Variants in C1orf167 observed in about 807,000 individuals in gnomAD.
C1orf167 encodes chromosome 1 open reading frame 167, also known as uncharacterized protein C1orf167.
A neutral mutation model predicts 176.5 loss-of-function variants in C1orf167; 153 were observed. That is an observed-to-expected ratio of 0.87 (90% CI 0.76 to 0.99). The LOEUF is 0.99. Among genes scored for constraint, C1orf167 ranks in the 50% least tolerant of loss-of-function variants. The pLI is 0.00. For synonymous variants in C1orf167, 594 were observed against 752.7 expected (o/e 0.79, Z 3.45); for missense variants, 1,490 against 1,817.7 (o/e 0.82, Z 3.28).
intron 16 of C1orf167, chr1:11,786,890 T>G (rs1346614625): frequency 6.6e-6 from 1 of 152,240 alleles, no homozygotes; most frequent in Non-Finnish European, 1.5e-5. Flanking sequence ...CTTTTCAGAG[T>G]ACTTTTACAT....
chr1:11,788,944 C>T (rs1315442845), intron 20 of C1orf167, 198 bp downstream of exon 20: 1 of 408,566 alleles, frequency 2.4e-6, no homozygotes. Flanking sequence ...TTTGTGGCCC[C>T]AGCTCAGGCC....
rs1370874573 is a variant in C1orf167 at position 11,762,324 on chromosome 1, G to A, written c.-71+19G>A. 1 of 372,318 alleles carries A rather than the reference G, an allele frequency of 2.7e-6. No homozygotes were observed. Among genetic ancestry groups the A allele is most frequent in the Admixed American group, 3.3e-5 (1 of 29,974 alleles). The allele number at this position is 372,318 out of a possible 1,614,324, so 23.1% of individuals were successfully genotyped here. A position where few individuals can be genotyped will look rare whatever the true frequency, so the allele number is the denominator to read the frequency against. On this transcript the variant is annotated intron_variant, in intron 1 of 20. Transcript: ENST00000688073. ...CACGCACGTGAGGGCAGATCCATGA[G>A]GGCAGGAAACTGACCTCAGACTCTT...
At chr1:11,765,304 A>T (rs2100231465) in intron 2 of C1orf167, among the ~76,000 whole-genome samples, 1 of 152,022 alleles carries the variant, frequency 6.6e-6, no homozygotes, top group African/African-American at 2.4e-5. Flanking sequence ...CATCCCCACA[A>T]GGACTCTGTG....
chr1:11,767,890 G>A (rs1415732174), intron 4 of C1orf167, among the ~76,000 whole-genome samples, 187 bp from the exon 5 acceptor site: 2 of 152,156 alleles, frequency 1.3e-5, no homozygotes, highest in African/African-American at 2.4e-5. Flanking sequence ...TTGCTTGTGT[G>A]GGGTTTCCAA....
intron 10 of C1orf167, chr1:11,777,281 AGG>A (rs1557734220): frequency 6.5e-6 from 1 of 152,782 alleles, no homozygotes; most frequent in African/African-American, 2.4e-5. Context: ...AGGTGAGGGG[AGG>A]GTGGCGATCA....
intron 1 of C1orf167, among the ~76,000 whole-genome samples, 177 bp from the exon 2 acceptor site, chr1:11,764,154 G>C (rs1043882605): frequency 1.3e-5 from 2 of 152,154 alleles, no homozygotes; most frequent in East Asian, 3.9e-4. Context: ...ATATGGAAAG[G>C]GGGGTGATAA....
chr1:11,788,935 T>C (rs1643992179), intron 20 of C1orf167, 189 bp downstream of exon 20: 3 of 427,816 alleles, frequency 7.0e-6, no homozygotes, highest in Non-Finnish European at 1.2e-5. Flanking sequence ...TTGCTTTGAT[T>C]TGTGGCCCCA....
Position 11,784,226 on chromosome 1 carries a change from C to T in C1orf167, c.3058C>T (p.Gln1020Ter), listed in dbSNP as rs1215723845. The change falls in exon 15 of 21, where the codon CAG becomes TAG. Residue 1020 changes from glutamine to a stop codon, truncating the protein, a stop_gained. Transcript: ENST00000688073. LOFTEE classifies it high-confidence loss of function. ...AAGAGACACGGGGGTGCTCCGGGCCCAGCATCAAGCCTTTCAGGATGGCCT... is the reference window on the plus strand; with the variant it reads ...AAGAGACACGGGGGTGCTCCGGGCCTAGCATCAAGCCTTTCAGGATGGCCT... ...VVRDTGVLRAQHQAFQDGLRR... is the reference protein window; with the variant it reads ...VVRDTGVLRA 2 of 1,284,390 alleles carry T rather than the reference C, an allele frequency of 1.6e-6. No homozygotes were observed. Among genetic ancestry groups the T allele is most frequent in the African/African-American group, 3.1e-5 (2 of 65,434 alleles). The allele number at this position is 1,284,390 out of a possible 1,614,324, so 79.6% of individuals were successfully genotyped here.
intron 10 of C1orf167, 123 bp from the exon 11 acceptor site, chr1:11,778,537 C>A: frequency 1.2e-6 from 1 of 855,410 alleles, no homozygotes; most frequent in Non-Finnish European, 1.6e-6. Flanking sequence ...AGCGTCTGGC[C>A]TGTGGCGAGC....
Position 11,772,211 on chromosome 1 carries a change from C to T in C1orf167, c.1940C>T (p.Ala647Val). The change falls in exon 8 of 21, where the codon GCC becomes GTC. Residue 647 changes from alanine to valine, a missense_variant. Physicochemically the swap from Ala to Val is moderately conservative, Grantham distance 64. Transcript: ENST00000688073. Reference protein sequence around the residue: ...QAWHSTAAGVAWVAPLSPQHQ... With the variant: ...QAWHSTAAGVVWVAPLSPQHQ... ...TGGCACTCTACTGCTGCAGGTGTAG[C>T]CTGGGTGGCCCCACTGAGCCCCCAG... The T allele has an allele frequency of 9.2e-6, 12 of 1,304,212 alleles. No individual in the cohort carries two copies. The highest frequency in any genetic ancestry group is 1.2e-5 in the Non-Finnish European group (12 of 988,910). The allele number at this position is 1,304,212 out of a possible 1,614,324, so 80.8% of individuals were successfully genotyped here.
rs755865052 is a variant in C1orf167, at chr1:11,789,310, C to T, written c.4214C>T (p.Pro1405Leu). 49 of 1,303,918 alleles carry T rather than the reference C, an allele frequency of 3.8e-5. No individual in the cohort carries two copies. The highest frequency in any genetic ancestry group is 4.6e-5 in the Admixed American group (2 of 43,546). The allele number at this position is 1,303,918 out of a possible 1,614,324, so 80.8% of individuals were successfully genotyped here. A position where few individuals can be genotyped will look rare whatever the true frequency, so the allele number is the denominator to read the frequency against. Reference sequence around the variant, plus strand: ...CACCAACGCCTGGCAGCCAGGAGCCCAAGGAGAGGAGCTGCCAGTAGCCCA... The same window carrying T: ...CACCAACGCCTGGCAGCCAGGAGCCTAAGGAGAGGAGCTGCCAGTAGCCCA... ...KWHQRLAARS[P>L]RRGAASSPRP... The change falls in exon 21 of 21, where the codon CCA becomes CTA. Residue 1405 changes from proline to leucine, a missense_variant. Physicochemically the swap from Pro to Leu is moderately conservative, Grantham distance 98. Coordinates refer to ENST00000688073, the MANE Select transcript of C1orf167 (RefSeq NM_001010881.2).
In C1orf167 at chr1:11,776,485, C is replaced by T. The variant is rs1290360731; in HGVS notation, c.2186C>T (p.Ala729Val). Residue 729 changes from alanine (A) to valine (V), a missense_variant, in exon 10 of 21, where the codon GCA becomes GTA. By Grantham distance (64) the Ala-to-Val change is moderately conservative. Transcript: ENST00000688073. ...QKAGREAVYTAGPGACGLGAV... is the reference protein window; with the variant it reads ...QKAGREAVYTVGPGACGLGAV... ...TCAGGACGTGAGGCTGTCTACACCG[C>T]AGGCCCTGGAGCCTGTGGCCTGGGT... The T allele has an allele frequency of 2.3e-6, 3 of 1,302,194 alleles. No homozygotes were observed. Among genetic ancestry groups the T allele is most frequent in the East Asian group, 1.1e-4 (2 of 17,826 alleles). 80.7% of individuals were successfully genotyped at this position (1,302,194 alleles called of 1,614,324 possible).
In C1orf167 at chr1:11,776,505, C is replaced by T. The variant is rs1321573778; in HGVS notation, c.2206C>T (p.Leu736=). 2 of 1,301,118 alleles carry T rather than the reference C, an allele frequency of 1.5e-6. No individual in the cohort carries two copies. The highest frequency in any genetic ancestry group is 2.0e-6 in the Non-Finnish European group (2 of 987,648). 80.6% of individuals were successfully genotyped at this position (1,301,118 alleles called of 1,614,324 possible). A position where few individuals can be genotyped will look rare whatever the true frequency, so the allele number is the denominator to read the frequency against. Residue 736 remains leucine, a synonymous_variant, in exon 10 of 21, where the codon CTG becomes TTG. Transcript: ENST00000688073. ...CACCGCAGGCCCTGGAGCCTGTGGC[C>T]TGGGTGCAGTGGGCCAGGCCCAGGG... ...VYTAGPGACG[L]GAVGQAQGQQ... is the part of the protein sequence containing the mutation.
chr1:11,767,160 G>A lies in C1orf167; in HGVS notation c.1300-61G>A, dbSNP rs1642841236. 7 of 1,285,864 alleles carry A rather than the reference G, an allele frequency of 5.4e-6. No homozygotes were observed. The South Asian group carries it at 7.4e-5, about 14-fold the overall frequency. The allele number at this position is 1,285,864 out of a possible 1,614,324, so 79.7% of individuals were successfully genotyped here. A position where few individuals can be genotyped will look rare whatever the true frequency, so the allele number is the denominator to read the frequency against. ...TCCAGGGCAGGGAGGCTTGGCAGGG[G>A]GTGCCCTGTCCTGCCTGCTGCTTGG... On this transcript the variant is annotated intron_variant, in intron 3 of 20. Coordinates refer to ENST00000688073, the MANE Select transcript of C1orf167 (RefSeq NM_001010881.2).
chr1:11,781,871 C>T (rs899727597), intron 13 of C1orf167, among the ~76,000 whole-genome samples: 7 of 150,390 alleles, frequency 4.7e-5, no homozygotes, highest in African/African-American at 1.7e-4. Context: ...GATTGGGCCA[C>T]TGCACTCCAG....
rs1201226010 is a variant in C1orf167, at chr1:11,766,993, G to A, written c.1207G>A (p.Glu403Lys). Residue 403 changes from glutamate to lysine, a missense_variant, in exon 3 of 21, where the codon GAG (glutamate) becomes AAG (lysine). Physicochemically the swap from Glu to Lys is moderately conservative, Grantham distance 56 (BLOSUM62 1). Coordinates refer to ENST00000688073, the MANE Select transcript of C1orf167 (RefSeq NM_001010881.2). The surrounding 1 kb of genome is among the most constrained non-coding windows in gnomAD (Gnocchi z 4.5). ...AWGVSPKQKG[E>K]EGAPRERVHR... ...GGGAGTCTCACCCAAGCAGAAAGGA[G>A]AGGAGGGGGCCCCGAGGGAGCGGGT... The A allele has an allele frequency of 5.8e-6, 7 of 1,209,032 alleles. No individual in the cohort carries two copies. Among genetic ancestry groups the A allele is most frequent in the Non-Finnish European group, 7.4e-6 (7 of 950,242 alleles). 74.9% of individuals were successfully genotyped at this position (1,209,032 alleles called of 1,614,324 possible).
intron 18 of C1orf167, 40 bp downstream of exon 18, chr1:11,788,087 A>G (rs1254533237): frequency 7.8e-7 from 1 of 1,280,360 alleles, no homozygotes; most frequent in Non-Finnish European, 1.0e-6. Flanking sequence ...GGTCCGAGGG[A>G]TGGGGGCAAG....
chr1:11,784,187 T>G lies in C1orf167; in HGVS notation c.3019T>G (p.Trp1007Gly). ...QLLLQSYFQA[W>G]CEVVRDTGVL... ...TCTGTTTTGCAGCTACTTCCAGGCC[T>G]GGTGTGAGGTTGTAAGAGACACGGG... Residue 1007 changes from tryptophan to glycine, a missense_variant, in exon 15 of 21, where the codon TGG becomes GGG. Coordinates refer to ENST00000688073, the MANE Select transcript of C1orf167 (RefSeq NM_001010881.2). 8.1e-7 allele frequency: 1 copy of G among 1,234,582 alleles called. No individual in the cohort carries two copies. Among genetic ancestry groups the G allele is most frequent in the South Asian group, 1.4e-5 (1 of 69,388 alleles). The allele number at this position is 1,234,582 out of a possible 1,614,324, so 76.5% of individuals were successfully genotyped here.
At chr1:11,762,436 A>G (rs1187401761) in intron 1 of C1orf167, among the ~76,000 whole-genome samples, 131 bp downstream of exon 1, 1 of 152,136 alleles carries the variant, frequency 6.6e-6, no homozygotes, top group Non-Finnish European at 1.5e-5. Flanking sequence ...AGGGAGACGG[A>G]CGAGGAGCGG....
Sources: allele counts gnomAD v4.1 joint callset (sites outside exome capture counted in the v4.1 genomes callset), GRCh38; gene constraint gnomAD v4.1.1; non-coding constraint Gnocchi (gnomAD v3.1); transcripts MANE v1.5; gene names NCBI Gene and HGNC (gene_info 2026-07-23, HGNC 2026-07-21).